The following UNC13C variants were observed in gnomAD, a reference collection of about 807,000 sequenced individuals.
UNC13C encodes the protein unc-13 homolog C, also known as protein unc-13 homolog C.
A neutral mutation model predicts 245.4 loss-of-function variants in UNC13C; 174 were observed. That is an observed-to-expected ratio of 0.71 (90% CI 0.63 to 0.80). UNC13C has a LOEUF of 0.80. Among genes scored for constraint, UNC13C ranks in the 30% least tolerant of loss-of-function variants. The pLI, the probability that UNC13C is intolerant of heterozygous loss-of-function variation, is 0.00. For missense variants in UNC13C, 2,829 were observed against 2,602.9 expected (o/e 1.09, Z -1.89); for synonymous variants, 992 against 895.1 (o/e 1.11, Z -1.93).
At chr15:54,497,033 A>G (rs1396124672) in intron 20 of UNC13C, among the ~76,000 whole-genome samples, 1 of 152,118 alleles carries the variant, frequency 6.6e-6, no homozygotes, top group Non-Finnish European at 1.5e-5. Context: ...TGAAGTCTGT[A>G]TGCCTAAGTT....
At chr15:54,037,056 C>G (rs1228925648) in intron 2 of UNC13C, among the ~76,000 whole-genome samples, 2 of 152,208 alleles carry the variant, frequency 1.3e-5, no homozygotes, top group South Asian at 2.1e-4. Flanking sequence ...ACTGAAAGAC[C>G]TAGCATTAAG....
Position 54,505,465 on chromosome 15 carries a change from C to G in UNC13C, c.5302-1652C>G, listed in dbSNP as rs144707294. Among the ~76,000 whole-genome samples, 220 of 152,272 alleles carry G rather than the reference C, an allele frequency of 1.4e-3. 1 individual carries two copies. The highest frequency in any genetic ancestry group is 4.9e-3 in the African/African-American group (205 of 41,564). On this transcript the variant is annotated intron_variant, in intron 22 of 32. Transcript: ENST00000260323. ...GGATAGGACCAAATAATGTGCATGT[C>G]CAACAAGTTCCCAGGTGATGCTTAT...
chr15:54,445,536 C>G (rs1166508123), intron 19 of UNC13C, among the ~76,000 whole-genome samples: 1 of 152,126 alleles, frequency 6.6e-6, no homozygotes, highest in Admixed American at 6.5e-5. Context: ...TTGCATTTCT[C>G]TGATGGCCAG....
intron 2 of UNC13C, among the ~76,000 whole-genome samples, chr15:54,076,713 C>T (rs557943650): frequency 6.6e-6 from 1 of 152,208 alleles, no homozygotes; most frequent in African/African-American, 2.4e-5. Context: ...CATTACCCAC[C>T]ACCCAACACA....
chr15:54,126,374 A>G lies in UNC13C; in HGVS notation c.2984-16644A>G, dbSNP rs116175136. Among the ~76,000 whole-genome samples the G allele has an allele frequency of 8.0e-3, 1,219 of 152,318 alleles. 20 individuals are homozygous for G. Among genetic ancestry groups the G allele is most frequent in the African/African-American group, 0.028 (1,169 of 41,570 alleles). ...AGACTTCAAAGCAAAGAAAACTAAC[A>G]AAGAGGCACATTATATAATGATATA... On this transcript the variant is annotated intron_variant, in intron 2 of 32. Transcript: ENST00000260323.
chr15:54,584,622 T>G (rs1301281367), intron 30 of UNC13C, among the ~76,000 whole-genome samples: 1 of 152,240 alleles, frequency 6.6e-6, no homozygotes, highest in East Asian at 1.9e-4. Flanking sequence ...TTTCTTTCCT[T>G]TAGGAGTAAG....
At chr15:53,892,574 C>T in the UNC13C span, among the ~76,000 whole-genome samples, 2 of 151,990 alleles carry the variant, frequency 1.3e-5, no homozygotes, top group Admixed American at 6.6e-5. Context: ...TTATTTATTC[C>T]TTTTTATTTT....
chr15:54,334,413 G>T (rs2038520466), intron 16 of UNC13C, among the ~76,000 whole-genome samples: 1 of 152,008 alleles, frequency 6.6e-6, no homozygotes, highest in African/African-American at 2.4e-5. Flanking sequence ...CATAGTTCTG[G>T]CTTGCAGTGC....
chr15:54,116,613 C>G (rs985821031), intron 2 of UNC13C, among the ~76,000 whole-genome samples: 6 of 152,250 alleles, frequency 3.9e-5, no homozygotes, highest in African/African-American at 1.4e-4. Context: ...ATATTTTATT[C>G]ATTTTCATGA....
intron 24 of UNC13C, among the ~76,000 whole-genome samples, chr15:54,520,843 A>G (rs1201306776): frequency 6.6e-6 from 1 of 152,160 alleles, no homozygotes; most frequent in East Asian, 1.9e-4. Flanking sequence ...TGTTTAGGAG[A>G]AAAGGATGTG....
At chr15:54,221,149 G>T (rs925339221) in intron 4 of UNC13C, among the ~76,000 whole-genome samples, 15 of 151,902 alleles carry the variant, frequency 9.9e-5, no homozygotes, top group African/African-American at 3.6e-4. Flanking sequence ...AAAAGTCTAT[G>T]TCATACATAG....
intron 17 of UNC13C, among the ~76,000 whole-genome samples, chr15:54,362,562 T>C (rs1511789): frequency 0.77 from 116,363 of 152,104 alleles, 44,858 homozygotes; most frequent in East Asian, 0.92. Flanking sequence ...GACATAACTT[T>C]TCTCAGTTTT....
At chr15:54,183,512 T>A (rs184710232) in intron 4 of UNC13C, among the ~76,000 whole-genome samples, 1 of 151,936 alleles carries the variant, frequency 6.6e-6, no homozygotes, top group Admixed American at 6.6e-5. Flanking sequence ...ATTGAAATGA[T>A]TACTATTTGC....
At chr15:54,197,217 C>T (rs947911020) in intron 4 of UNC13C, among the ~76,000 whole-genome samples, 3 of 152,152 alleles carry the variant, frequency 2.0e-5, no homozygotes, top group African/African-American at 4.8e-5. Context: ...TGGCTCACGC[C>T]TGTAATCCCA....
chr15:54,491,058 C>G (rs893504180), intron 19 of UNC13C, among the ~76,000 whole-genome samples: 2 of 152,224 alleles, frequency 1.3e-5, no homozygotes, highest in South Asian at 2.1e-4. Context: ...TAAGCTCCAT[C>G]TACTTCAGAT....
intron 19 of UNC13C, among the ~76,000 whole-genome samples, chr15:54,416,700 C>T (rs757699144): frequency 2.6e-5 from 4 of 152,042 alleles, no homozygotes; most frequent in Non-Finnish European, 5.9e-5. Context: ...TACTCTGCAT[C>T]CCCCCACCCT....
intron 19 of UNC13C, among the ~76,000 whole-genome samples, chr15:54,454,419 A>G (rs1203556501): frequency 1.3e-5 from 2 of 152,090 alleles, no homozygotes; most frequent in East Asian, 1.9e-4. Flanking sequence ...TCTACTAAAA[A>G]TACAAAAAGT....
chr15:54,547,925 T>C (rs1434788048), intron 27 of UNC13C, among the ~76,000 whole-genome samples: 2 of 152,154 alleles, frequency 1.3e-5, no homozygotes, highest in Non-Finnish European at 2.9e-5. Context: ...GGTTTATATA[T>C]AAATTTCCCT....
the UNC13C span, among the ~76,000 whole-genome samples, chr15:53,952,727 A>T: frequency 6.6e-6 from 1 of 152,238 alleles, no homozygotes; most frequent in Admixed American, 6.5e-5. Flanking sequence ...GAAGCTAGGC[A>T]TAAGATGACC....
Sources: allele counts gnomAD v4.1 joint callset (sites outside exome capture counted in the v4.1 genomes callset), GRCh38; gene constraint gnomAD v4.1.1; transcripts MANE v1.5; gene names NCBI Gene and HGNC (gene_info 2026-07-23, HGNC 2026-07-21).